Variants in MPHOSPH6 observed in about 807,000 individuals in gnomAD.
MPHOSPH6 encodes M-phase phosphoprotein 6.
A neutral mutation model predicts 21.8 loss-of-function variants in MPHOSPH6; 25 were observed. The observed-to-expected ratio is 1.15, with a 90% CI of 0.83 to 1.60. The LOEUF is 1.60. Ranked by LOEUF, MPHOSPH6 falls within the 40% of genes most tolerant of loss-of-function variation. The pLI, the probability that MPHOSPH6 is intolerant of heterozygous loss-of-function variation, is 0.00. For missense variants in MPHOSPH6, 269 were observed against 181.8 expected (o/e 1.48, Z -2.76); for synonymous variants, 84 against 56.5 (o/e 1.49, Z -2.18).
At chr16:82,157,488 A>G (rs1399325173) in intron 2 of MPHOSPH6, among the ~76,000 whole-genome samples, 1 of 152,226 alleles carries the variant, frequency 6.6e-6, no homozygotes, top group Non-Finnish European at 1.5e-5. Context: ...CAGGAGTGAG[A>G]CTGACTAGAA....
At chr16:82,163,511 C>T (rs1485113851) in intron 2 of MPHOSPH6, among the ~76,000 whole-genome samples, 2 of 152,152 alleles carry the variant, frequency 1.3e-5, no homozygotes, top group Non-Finnish European at 2.9e-5. Flanking sequence ...CTCAGTTCCT[C>T]AACTACAAAG....
chr16:82,152,707 G>A (rs1906304451), intron 2 of MPHOSPH6, among the ~76,000 whole-genome samples: 1 of 152,174 alleles, frequency 6.6e-6, no homozygotes, highest in Non-Finnish European at 1.5e-5. Flanking sequence ...CATTGGGGCA[G>A]GTTGCGTTCC....
In MPHOSPH6 at chr16:82,148,658, C is replaced by A. The variant is rs775851089; in HGVS notation, c.*73G>T. The A allele has an allele frequency of 2.6e-6, 4 of 1,547,706 alleles. No individual in the cohort carries two copies. Among genetic ancestry groups the A allele is most frequent in the South Asian group, 1.2e-5 (1 of 84,800 alleles). On this transcript the variant is annotated 3_prime_UTR_variant, in exon 5 of 5. Coordinates refer to ENST00000258169, the MANE Select transcript of MPHOSPH6 (RefSeq NM_005792.2). ...TACAGTATTAATAACTATAGAGACA[C>A]CATTGGGATGAGCTCCAGATGCCCT...
intron 2 of MPHOSPH6, among the ~76,000 whole-genome samples, chr16:82,151,859 T>C (rs1431605396): frequency 1.3e-5 from 2 of 152,264 alleles, no homozygotes; most frequent in East Asian, 3.8e-4. Context: ...CCATATTTTT[T>C]TCCAATTCTT....
chr16:82,160,125 G>A lies in MPHOSPH6; in HGVS notation c.164+3957C>T, dbSNP rs182403201. Among the ~76,000 whole-genome samples, 394 of 152,138 alleles carry A rather than the reference G, an allele frequency of 2.6e-3. 1 individual carries two copies. Among genetic ancestry groups the A allele is most frequent in the African/African-American group, 9.0e-3 (372 of 41,506 alleles). Reference sequence around the variant, plus strand: ...TTTCCCACGGGTTTGCATTGACACCGTATCTTTAATATAAAAAGGAGCACA... The same window carrying A: ...TTTCCCACGGGTTTGCATTGACACCATATCTTTAATATAAAAAGGAGCACA... On this transcript the variant is annotated intron_variant, in intron 2 of 4. Transcript: ENST00000258169.
intron 1 of MPHOSPH6, chr16:82,167,489 TTG>T (rs763323506): frequency 0.017 from 396 of 23,526 alleles, 4 homozygotes; most frequent in Non-Finnish European, 0.046. Flanking sequence ...ATTGTGCACT[TTG>T]TTTCTATTAT....
Position 82,148,840 on chromosome 16 carries a change from A to G in MPHOSPH6, c.374T>C (p.Ile125Thr), listed in dbSNP as rs747992402. 8.1e-6 allele frequency: 13 copies of G among 1,613,992 alleles called. No individual in the cohort carries two copies. The highest frequency in any genetic ancestry group is 2.2e-5 in the East Asian group (1 of 44,890). ...TCTCTTTCTGGCAAACTTTTTCCCAATTGTCCCCACCAAGGTCTCATATCT... is the reference window on the plus strand; with the variant it reads ...TCTCTTTCTGGCAAACTTTTTCCCAGTTGTCCCCACCAAGGTCTCATATCT... ...ARRYETLVGT[I>T]GKKFARKRDH... The change falls in exon 5 of 5, where the codon ATT becomes ACT. Residue 125 changes from isoleucine (I) to threonine (T), a missense_variant. Ile to Thr is a moderately conservative substitution (Grantham distance 89, BLOSUM62 -1). Transcript: ENST00000258169.
chr16:82,163,649 T>C (rs59024289), intron 2 of MPHOSPH6, among the ~76,000 whole-genome samples: 1 of 152,218 alleles, frequency 6.6e-6, no homozygotes, highest in Non-Finnish European at 1.5e-5. Context: ...TGGATGGTAT[T>C]ACAAGTAGTA....
At chr16:82,166,481 C>T (rs1597165778) in intron 1 of MPHOSPH6, among the ~76,000 whole-genome samples, 2 of 152,206 alleles carry the variant, frequency 1.3e-5, no homozygotes, top group African/African-American at 4.8e-5. Flanking sequence ...CCTAGGTCTG[C>T]TCCTATAAAG....
At chr16:82,160,372 C>T (rs528150376) in intron 2 of MPHOSPH6, among the ~76,000 whole-genome samples, 3 of 152,160 alleles carry the variant, frequency 2.0e-5, no homozygotes, top group Non-Finnish European at 4.4e-5. Context: ...CCTAAAGCCA[C>T]AAATACCATG....
chr16:82,159,164 C>CT (rs1472790056), intron 2 of MPHOSPH6, among the ~76,000 whole-genome samples: 4 of 152,202 alleles, frequency 2.6e-5, no homozygotes, highest in Non-Finnish European at 5.9e-5. Flanking sequence ...ATACAACATG[C>CT]TTTAACAGGC....
At chr16:82,158,841 T>C (rs1193970274) in intron 2 of MPHOSPH6, among the ~76,000 whole-genome samples, 1 of 152,246 alleles carries the variant, frequency 6.6e-6, no homozygotes, top group Non-Finnish European at 1.5e-5. Context: ...TACTAATGAA[T>C]GTGATTTTTG....
intron 2 of MPHOSPH6, among the ~76,000 whole-genome samples, chr16:82,154,052 G>A (rs755851954): frequency 5.9e-5 from 9 of 152,024 alleles, no homozygotes; most frequent in Admixed American, 2.0e-4. Flanking sequence ...GCCACATAAG[G>A]TAACACTCAC....
At chr16:82,153,211 G>A (rs566413891) in intron 2 of MPHOSPH6, among the ~76,000 whole-genome samples, 126 of 152,292 alleles carry the variant, frequency 8.3e-4, no homozygotes, top group African/African-American at 3.0e-3. Context: ...AATGAAACAT[G>A]AAACATTTAT....
At chr16:82,153,255 C>G (rs971283848) in intron 2 of MPHOSPH6, among the ~76,000 whole-genome samples, 5 of 152,298 alleles carry the variant, frequency 3.3e-5, no homozygotes, top group African/African-American at 1.2e-4. Context: ...GCAGGTTATT[C>G]CATCCCTAGC....
At chr16:82,152,531 G>A (rs1478686315) in intron 2 of MPHOSPH6, among the ~76,000 whole-genome samples, 8 of 152,178 alleles carry the variant, frequency 5.3e-5, no homozygotes, top group Admixed American at 3.3e-4. Flanking sequence ...AGAGCCAGCT[G>A]TACTGGGCAT....
intron 2 of MPHOSPH6, among the ~76,000 whole-genome samples, chr16:82,157,652 G>C (rs1034478902): frequency 6.6e-6 from 1 of 151,968 alleles, no homozygotes; most frequent in Non-Finnish European, 1.5e-5. Context: ...CGTGCACACA[G>C]TTTAAGGGGA....
intron 2 of MPHOSPH6, among the ~76,000 whole-genome samples, chr16:82,157,628 C>G (rs934694926): frequency 6.6e-6 from 1 of 152,184 alleles, no homozygotes; most frequent in African/African-American, 2.4e-5. Context: ...GCAACCACCA[C>G]CCACACACCC....
chr16:82,166,343 C>T lies in MPHOSPH6; in HGVS notation c.52-2149G>A, dbSNP rs1369024906. On this transcript the variant is annotated intron_variant, in intron 1 of 4. Coordinates refer to ENST00000258169, the MANE Select transcript of MPHOSPH6 (RefSeq NM_005792.2). The stretch of plus-strand genomic sequence containing the variant: ...CAGTTTCTGGAATGTGCACGCTATA[C>T]TTCCCAGTCCTTTTGCCTTTGCGAC... Among the ~76,000 whole-genome samples the T allele has an allele frequency of 3.9e-5, 6 of 152,374 alleles. No homozygotes were observed. In the South Asian group the frequency reaches 1.2e-3, roughly 32 times the overall value.
Sources: gnomAD v4.1 joint callset for allele counts (sites outside exome capture counted in the v4.1 genomes callset) on GRCh38, gnomAD v4.1.1 for gene constraint, MANE v1.5 for transcripts, NCBI Gene and HGNC (gene_info 2026-07-23, HGNC 2026-07-21) for gene names.